Variants in CCPG1 observed in about 807,000 individuals in gnomAD.
CCPG1 encodes the protein cell cycle progression protein 1.
In CCPG1, 46 loss-of-function variants were observed where a neutral mutation model predicts 81.3. The observed-to-expected ratio is 0.57, with a 90% CI of 0.45 to 0.72. The LOEUF (loss-of-function observed/expected upper bound fraction) is 0.72, where lower values mean the gene tolerates loss of function less well. Ranked by LOEUF, CCPG1 falls within the 30% of genes least tolerant of loss-of-function variation. CCPG1 has a pLI of 0.00. For missense variants in CCPG1, 902 were observed against 937.6 expected (o/e 0.96, Z 0.50); for synonymous variants, 330 against 305.2 (o/e 1.08, Z -0.85).
At chr15:55,365,021 T>C (rs2056293051) in intron 7 of CCPG1, among the ~76,000 whole-genome samples, 167 bp downstream of exon 7, 1 of 152,206 alleles carries the variant, frequency 6.6e-6, no homozygotes, top group African/African-American at 2.4e-5. Flanking sequence ...ATACTCTATA[T>C]GGTACACTCA....
intron 1 of CCPG1, among the ~76,000 whole-genome samples, chr15:55,391,887 A>AGG (rs61200003): frequency 0.062 from 2,707 of 43,930 alleles, 82 homozygotes; most frequent in East Asian, 0.13. Context: ...AAAAAAAAAA[A>AGG]GGGGGGGGGG....
chr15:55,370,293 C>G (rs2056419775), intron 6 of CCPG1, among the ~76,000 whole-genome samples: 1 of 152,090 alleles, frequency 6.6e-6, no homozygotes, highest in South Asian at 2.1e-4. Context: ...TTCGAATGAA[C>G]TAGCAAAACG....
rs2057278104 is a variant in CCPG1, at chr15:55,408,307, A to AT, written c.-97_-96insA. On this transcript the variant is annotated 5_prime_UTR_variant, in exon 1 of 9. Coordinates refer to ENST00000442196, the MANE Select transcript of CCPG1 (RefSeq NM_001204450.2). ...CTCGGGCGCCAATGACGCCTCTTAT[A>AT]AAAACAACCTGCTCGCAGGCGTCTG... 1 of 154,494 alleles carries AT rather than the reference A, an allele frequency of 6.5e-6. No homozygotes were observed. The highest frequency in any genetic ancestry group is 1.9e-4 in the South Asian group (1 of 5,172). 9.6% of individuals were successfully genotyped at this position (154,494 alleles called of 1,614,324 possible).
chr15:55,394,175 C>T (rs1297748717), intron 1 of CCPG1, among the ~76,000 whole-genome samples: 5 of 152,038 alleles, frequency 3.3e-5, no homozygotes, highest in Admixed American at 6.6e-5. Context: ...TTTTAAGAGT[C>T]GGGGTCTTGC....
intron 1 of CCPG1, among the ~76,000 whole-genome samples, chr15:55,401,496 G>A (rs1032412294): frequency 8.6e-5 from 13 of 151,990 alleles, no homozygotes; most frequent in African/African-American, 2.7e-4. Flanking sequence ...GCGAAACTCC[G>A]TCTCTACTAA....
intron 8 of CCPG1, chr15:55,358,887 AG>A: frequency 1.0e-6 from 1 of 964,994 alleles, no homozygotes; most frequent in African/African-American, 1.8e-5. Flanking sequence ...AGTATTTCAA[AG>A]GTAAAAAATG....
At chr15:55,380,440 C>T (rs1032063156) in intron 3 of CCPG1, among the ~76,000 whole-genome samples, 11 of 151,436 alleles carry the variant, frequency 7.3e-5, no homozygotes. Flanking sequence ...GGACTACAGG[C>T]GCCCACCACC....
chr15:55,374,584 G>A (rs1267440347), intron 5 of CCPG1, among the ~76,000 whole-genome samples: 1 of 152,142 alleles, frequency 6.6e-6, no homozygotes. Flanking sequence ...ACAAAATTAA[G>A]CAATGGCTAG....
At chr15:55,388,233 TCCATTAAAA>T (rs942257734) in intron 2 of CCPG1, among the ~76,000 whole-genome samples, 1 of 152,152 alleles carries the variant, frequency 6.6e-6, no homozygotes, top group African/African-American at 2.4e-5. Context: ...ATTATAGATG[TCCATTAAAA>T]CCTGGAGTAA....
At chr15:55,384,652 CCAATT>C (rs995807694) in intron 3 of CCPG1, among the ~76,000 whole-genome samples, 1 of 151,682 alleles carries the variant, frequency 6.6e-6, no homozygotes, top group East Asian at 1.9e-4. Context: ...CGAAACTCCG[CCAATT>C]CAATTCAATA....
intron 5 of CCPG1, 146 bp downstream of exon 5, chr15:55,376,803 T>C (rs762729950): frequency 1.1e-5 from 7 of 626,290 alleles, no homozygotes; most frequent in South Asian, 2.0e-5. Flanking sequence ...TAGGTATTAA[T>C]AGATTTCACA....
At chr15:55,406,461 T>G (rs2057226189) in intron 1 of CCPG1, among the ~76,000 whole-genome samples, 1 of 145,816 alleles carries the variant, frequency 6.9e-6, no homozygotes, top group Non-Finnish European at 1.5e-5. Context: ...TTTTTTTTTT[T>G]TTGTTTTTTT....
chr15:55,403,474 T>C (rs1174342420), intron 1 of CCPG1, among the ~76,000 whole-genome samples: 1 of 152,210 alleles, frequency 6.6e-6, no homozygotes, highest in Non-Finnish European at 1.5e-5. Context: ...CTTCTTATTT[T>C]CTAATACTTC....
At chr15:55,393,415 G>C (rs112737532) in intron 1 of CCPG1, among the ~76,000 whole-genome samples, 1 of 152,122 alleles carries the variant, frequency 6.6e-6, no homozygotes, top group Admixed American at 6.6e-5. Flanking sequence ...ACTCCAGCCT[G>C]GGTAACAGAG....
chr15:55,357,230 A>G (rs961612849), intron 8 of CCPG1: 2 of 861,390 alleles, frequency 2.3e-6, no homozygotes, highest in Admixed American at 7.8e-5. Context: ...CAGTGGTACT[A>G]CTATCCAACA....
At chr15:55,367,691 A>G (rs1032379645) in intron 6 of CCPG1, among the ~76,000 whole-genome samples, 1 of 151,994 alleles carries the variant, frequency 6.6e-6, no homozygotes, top group Non-Finnish European at 1.5e-5. Context: ...TTTGGGTAAA[A>G]CCAAACCAAA....
At chr15:55,397,915 T>C (rs2057052435) in intron 1 of CCPG1, among the ~76,000 whole-genome samples, 1 of 151,564 alleles carries the variant, frequency 6.6e-6, no homozygotes, top group East Asian at 1.9e-4. Flanking sequence ...AGGTGGAGGT[T>C]GCAGTGAGCC....
intron 6 of CCPG1, among the ~76,000 whole-genome samples, chr15:55,369,608 T>C (rs1380006679): frequency 6.6e-6 from 1 of 152,222 alleles, no homozygotes; most frequent in African/African-American, 2.4e-5. Flanking sequence ...GTATGTTAAT[T>C]CAACTAATCT....
rs201970644 is a variant in CCPG1 at position 55,359,989 on chromosome 15, T to C, written c.1784A>G (p.Glu595Gly). The change falls in exon 8 of 9, where the codon GAA becomes GGA. Residue 595 changes from glutamate (E) to glycine (G), a missense_variant. Glu to Gly is a moderately conservative substitution (Grantham distance 98, BLOSUM62 -2). This residue lies in a region of CCPG1 where 746 missense variants were observed against 728.6 expected (regional missense o/e 1.02). Coordinates refer to ENST00000442196, the MANE Select transcript of CCPG1 (RefSeq NM_001204450.2). ...GPTMQNDGRK[E>G]KPVHFKEFRK... ...GAATTCTTTAAAGTGAACTGGCTTT[T>C]CTTTCCTTCCATCATTTTGCATAGT... 1.4e-3 allele frequency: 2,279 copies of C among 1,613,008 alleles called. 2 individuals are homozygous for C. The highest frequency in any genetic ancestry group is 1.8e-3 in the Non-Finnish European group (2,080 of 1,179,810).
Sources: allele counts gnomAD v4.1 joint callset (sites outside exome capture counted in the v4.1 genomes callset), GRCh38; gene constraint gnomAD v4.1.1; regional missense constraint gnomAD v4.1.1; transcripts MANE v1.5; gene names NCBI Gene and HGNC (gene_info 2026-07-23, HGNC 2026-07-21).